Variants in MITF observed in about 807,000 individuals in gnomAD.
The protein encoded by MITF is microphthalmia-associated transcription factor.
In MITF, 17 loss-of-function variants were observed where a neutral mutation model predicts 60.5. The observed-to-expected ratio is 0.28, with a 90% CI of 0.19 to 0.42. The LOEUF is 0.42. Among genes scored for constraint, MITF ranks in the 10% least tolerant of loss-of-function variants. The probability of loss-of-function intolerance (pLI) is 1.00; values close to 1 mark genes in which losing one functional copy is unlikely to be tolerated. For synonymous variants in MITF, 260 were observed against 248.5 expected (o/e 1.05, Z -0.43); for missense variants, 622 against 683.5 (o/e 0.91, Z 1.00).
chr3:69,937,851 G>C lies in MITF; in HGVS notation c.384G>C (p.Lys128Asn). The C allele has an allele frequency of 2.5e-6, 4 of 1,614,032 alleles. No individual in the cohort carries two copies. Among genetic ancestry groups the C allele is most frequent in the Non-Finnish European group, 2.5e-6 (3 of 1,179,976 alleles). Reference protein sequence around the residue: ...KVQTHLENPTKYHIQQAQRQQ... With the variant: ...KVQTHLENPTNYHIQQAQRQQ... ...AGACCCACCTCGAAAACCCCACCAA[G>C]TACCACATACAGCAAGCCCAACGGC... Residue 128 changes from lysine to asparagine, a missense_variant, in exon 3 of 10, where the codon AAG becomes AAC. Physicochemically the swap from Lys to Asn is moderately conservative, Grantham distance 94. This residue lies in a region of MITF where 3 missense variants were observed against 16.6 expected (regional missense o/e 0.18). Transcript: ENST00000352241.
intron 1 of MITF, among the ~76,000 whole-genome samples, chr3:69,766,376 A>ATTTTTTTTTTTTTT (rs753953309): frequency 1.1e-5 from 1 of 95,140 alleles, no homozygotes; most frequent in African/African-American, 4.5e-5. Flanking sequence ...TGCCCAGCTA[A>ATTTTTTTTTTTTTT]TTTTTTTTTT....
chr3:69,833,620 T>G (rs1277005381), intron 1 of MITF, among the ~76,000 whole-genome samples: 2 of 152,178 alleles, frequency 1.3e-5, no homozygotes, highest in Non-Finnish European at 2.9e-5. Flanking sequence ...TACATTACAC[T>G]GTATGTGGTT....
At chr3:69,768,892 A>G (rs1345582620) in intron 1 of MITF, among the ~76,000 whole-genome samples, 2 of 152,216 alleles carry the variant, frequency 1.3e-5, no homozygotes, top group East Asian at 3.8e-4. Flanking sequence ...CAAATTTATT[A>G]GGATGGTAAT....
At chr3:69,814,265 G>T (rs575968143) in intron 1 of MITF, among the ~76,000 whole-genome samples, 1 of 152,072 alleles carries the variant, frequency 6.6e-6, no homozygotes, top group Non-Finnish European at 1.5e-5. Context: ...CAACCTTGTG[G>T]TATAGTTTAT....
At chr3:69,914,527 G>C (rs2065292422) in intron 2 of MITF, among the ~76,000 whole-genome samples, 1 of 152,184 alleles carries the variant, frequency 6.6e-6, no homozygotes, top group African/African-American at 2.4e-5. Flanking sequence ...ACTTCATCGT[G>C]CAGTTATTGT....
At chr3:69,874,628 C>T (rs139788477) in intron 1 of MITF, among the ~76,000 whole-genome samples, 206 of 152,266 alleles carry the variant, frequency 1.4e-3, no homozygotes, top group African/African-American at 4.5e-3. Flanking sequence ...CTAAAGGAAA[C>T]GCAAGGAAAA....
intron 2 of MITF, among the ~76,000 whole-genome samples, chr3:69,883,958 C>T (rs1205497824): frequency 2.0e-5 from 3 of 152,114 alleles, no homozygotes; most frequent in African/African-American, 4.8e-5. Flanking sequence ...TTGGTGTCTG[C>T]AAGGCTACAT....
intron 1 of MITF, among the ~76,000 whole-genome samples, chr3:69,741,487 A>G (rs1325843645): frequency 6.6e-6 from 1 of 152,150 alleles, no homozygotes; most frequent in Non-Finnish European, 1.5e-5. Context: ...GTGCCGTGAA[A>G]CTCATGTTGC....
intron 1 of MITF, among the ~76,000 whole-genome samples, chr3:69,781,003 G>A (rs973018857): frequency 6.6e-6 from 1 of 152,068 alleles, no homozygotes; most frequent in Non-Finnish European, 1.5e-5. Flanking sequence ...GTAAATGAGG[G>A]ACATAGCAAA....
intron 1 of MITF, among the ~76,000 whole-genome samples, chr3:69,845,988 A>G (rs1812075): frequency 0.5 from 75,582 of 152,064 alleles, 20,461 homozygotes; most frequent in Non-Finnish European, 0.63. Flanking sequence ...TGGTGCTGGG[A>G]ATAGAGCAGT....
At chr3:69,873,775 A>G (rs1034890792) in intron 1 of MITF, among the ~76,000 whole-genome samples, 2 of 152,222 alleles carry the variant, frequency 1.3e-5, no homozygotes. Context: ...CTCTCCTACT[A>G]TGCAGACAAG....
At chr3:69,901,202 G>C (rs2064989077) in intron 2 of MITF, among the ~76,000 whole-genome samples, 1 of 139,518 alleles carries the variant, frequency 7.2e-6, no homozygotes, top group Admixed American at 7.3e-5. Context: ...TAACGAACCA[G>C]TGTGATTTTT....
At chr3:69,766,551 G>A (rs2062298520) in intron 1 of MITF, among the ~76,000 whole-genome samples, 1 of 151,878 alleles carries the variant, frequency 6.6e-6, no homozygotes, top group Non-Finnish European at 1.5e-5. Flanking sequence ...TCTTATCCCA[G>A]TAAATACCAT....
chr3:69,748,304 G>A (rs1703809081), intron 1 of MITF, among the ~76,000 whole-genome samples: 1 of 152,158 alleles, frequency 6.6e-6, no homozygotes, highest in Non-Finnish European at 1.5e-5. Flanking sequence ...GCAGTGGCAT[G>A]ATCTTGGCTC....
chr3:69,870,875 G>A (rs750640364), intron 1 of MITF, among the ~76,000 whole-genome samples: 1 of 152,086 alleles, frequency 6.6e-6, no homozygotes, highest in African/African-American at 2.4e-5. Flanking sequence ...ATGGGTGCTA[G>A]GTTTTATGAA....
At chr3:69,933,022 A>AAT (rs901931690) in intron 2 of MITF, among the ~76,000 whole-genome samples, 63 of 151,660 alleles carry the variant, frequency 4.2e-4, no homozygotes, top group Non-Finnish European at 6.3e-4. Flanking sequence ...AATTATTAAA[A>AAT]ATATATATAT....
intron 2 of MITF, among the ~76,000 whole-genome samples, chr3:69,897,510 T>G (rs941374447): frequency 6.6e-6 from 1 of 152,188 alleles, no homozygotes; most frequent in African/African-American, 2.4e-5. Context: ...CCATCTTTTT[T>G]GGTAAAGTTT....
At chr3:69,878,998 G>T in intron 1 of MITF, 136 bp from the exon 2 acceptor site, 1 of 723,150 alleles carries the variant, frequency 1.4e-6, no homozygotes, top group Non-Finnish European at 2.5e-6. Flanking sequence ...TCAATTATGT[G>T]GAGTACCATT....
At position 69,865,857 on chromosome 3, in the gene MITF, C is replaced by T. The variant is rs189274450; in HGVS notation, c.105-13277C>T. ...GAGGGGACACAAGCAGTTCCACAGT[C>T]CTCCCTCCTAGATTCTGTGACTCCA... is the stretch of plus-strand genomic sequence containing the variant. On this transcript the variant is annotated intron_variant, in intron 1 of 9. Coordinates refer to ENST00000352241, the MANE Select transcript of MITF (RefSeq NM_001354604.2). Among the ~76,000 whole-genome samples, 23 of 152,286 alleles carry T rather than the reference C, an allele frequency of 1.5e-4. No individual in the cohort carries two copies. In the East Asian group the frequency reaches 4.4e-3, roughly 29 times the overall value.
Sources: allele counts gnomAD v4.1 joint callset (sites outside exome capture counted in the v4.1 genomes callset), GRCh38; gene constraint gnomAD v4.1.1; regional missense constraint gnomAD v4.1.1; transcripts MANE v1.5; gene names NCBI Gene and HGNC (gene_info 2026-07-23, HGNC 2026-07-21).